DTNBP1: variants seen among roughly 807,000 people sequenced by gnomAD.
DTNBP1 encodes dysbindin.
A neutral mutation model predicts 42.8 loss-of-function variants in DTNBP1; 35 were observed. That is an observed-to-expected ratio of 0.82 (90% CI 0.63 to 1.09). The LOEUF is 1.09. Among genes scored for constraint, DTNBP1 ranks in the 50% least tolerant of loss-of-function variants. The probability of loss-of-function intolerance (pLI) is 0.00; values close to 1 mark genes in which losing one functional copy is unlikely to be tolerated. For synonymous variants in DTNBP1, 171 were observed against 162.2 expected, an observed-to-expected ratio of 1.05 and a Z score of -0.41; for missense variants, 457 against 424.2, an observed-to-expected ratio of 1.08 and a Z score of -0.68.
intron 3 of DTNBP1, among the ~76,000 whole-genome samples, chr6:15,640,187 T>C (rs1231584365): frequency 8.5e-5 from 13 of 152,220 alleles, no homozygotes; most frequent in Admixed American, 8.5e-4. Flanking sequence ...GGGCCTTAGC[T>C]GCCAATCAGC....
At chr6:15,595,675 A>C (rs1302199952) in intron 6 of DTNBP1, among the ~76,000 whole-genome samples, 1 of 152,178 alleles carries the variant, frequency 6.6e-6, no homozygotes, top group African/African-American at 2.4e-5. Flanking sequence ...GGTACTCAGC[A>C]TTTGGAAATA....
chr6:15,650,362 G>A (rs902914542), intron 3 of DTNBP1, among the ~76,000 whole-genome samples: 22 of 151,836 alleles, frequency 1.4e-4, no homozygotes, highest in African/African-American at 4.4e-4. Context: ...AACCCCTGCC[G>A]AGATCGCACC....
intron 1 of DTNBP1, among the ~76,000 whole-genome samples, chr6:15,655,786 A>C (rs1301534076): frequency 6.6e-6 from 1 of 152,238 alleles, no homozygotes; most frequent in Non-Finnish European, 1.5e-5. Context: ...AGAAAGTAAC[A>C]AAAAGCCAAA....
chr6:15,542,258 GTT>G (rs1322404357), intron 7 of DTNBP1, among the ~76,000 whole-genome samples: 2 of 152,130 alleles, frequency 1.3e-5, no homozygotes, highest in Non-Finnish European at 2.9e-5. Flanking sequence ...TCTTCAAGCT[GTT>G]TTTTGATAAA....
chr6:15,572,888 C>T (rs1775398898), intron 7 of DTNBP1, among the ~76,000 whole-genome samples: 1 of 152,100 alleles, frequency 6.6e-6, no homozygotes, highest in African/African-American at 2.4e-5. Context: ...TGCACCACCA[C>T]AACCAGCTAA....
chr6:15,629,338 C>T (rs1400298467), intron 4 of DTNBP1, among the ~76,000 whole-genome samples: 7 of 151,858 alleles, frequency 4.6e-5, no homozygotes, highest in Admixed American at 2.6e-4. Flanking sequence ...ATATTATGGG[C>T]TATTTTGGTT....
intron 4 of DTNBP1, among the ~76,000 whole-genome samples, chr6:15,635,349 C>T (rs577751122): frequency 6.6e-6 from 1 of 152,188 alleles, no homozygotes; most frequent in East Asian, 1.9e-4. Context: ...AAACTCCTGA[C>T]CTCAGGTGAT....
intron 7 of DTNBP1, among the ~76,000 whole-genome samples, chr6:15,563,608 A>G (rs1282461340): frequency 6.6e-6 from 1 of 152,240 alleles, no homozygotes; most frequent in African/African-American, 2.4e-5. Flanking sequence ...CCTGAATTAC[A>G]GTGGAAAAGC....
intron 7 of DTNBP1, among the ~76,000 whole-genome samples, chr6:15,541,359 G>T (rs1360895962): frequency 6.6e-6 from 1 of 151,912 alleles, no homozygotes; most frequent in Non-Finnish European, 1.5e-5. Context: ...CAAATCTAGG[G>T]GTTTAACAGC....
intron 7 of DTNBP1, chr6:15,545,984 T>G: frequency 2.3e-6 from 1 of 437,276 alleles, no homozygotes; most frequent in Non-Finnish European, 4.5e-6. Context: ...CCTCCCACCA[T>G]GCACCCTGGA....
intron 7 of DTNBP1, among the ~76,000 whole-genome samples, chr6:15,576,275 C>T (rs938553407): frequency 2.0e-4 from 30 of 151,948 alleles, no homozygotes; most frequent in African/African-American, 5.5e-4. Context: ...CGTACCACCA[C>T]GCCCGGCTAA....
At chr6:15,527,675 A>G (rs1581696309) in intron 8 of DTNBP1, among the ~76,000 whole-genome samples, 1 of 152,326 alleles carries the variant, frequency 6.6e-6, no homozygotes, top group African/African-American at 2.4e-5. Context: ...AGAACAAAGA[A>G]GCTGGTTCTT....
At chr6:15,592,442 C>G (rs1182414752) in intron 7 of DTNBP1, among the ~76,000 whole-genome samples, 1 of 152,170 alleles carries the variant, frequency 6.6e-6, no homozygotes, top group Non-Finnish European at 1.5e-5. Context: ...CTGTTTTTCA[C>G]TAGTGTTTCT....
At chr6:15,660,186 TTC>T (rs1761524055) in intron 1 of DTNBP1, among the ~76,000 whole-genome samples, 3 of 152,372 alleles carry the variant, frequency 2.0e-5, no homozygotes, top group South Asian at 2.1e-4. Flanking sequence ...TGTAATATGT[TTC>T]TTTTTTAGTG....
intron 4 of DTNBP1, among the ~76,000 whole-genome samples, chr6:15,629,604 CAACAATTAT>C (rs1759569785): frequency 6.6e-6 from 1 of 151,992 alleles, no homozygotes; most frequent in African/African-American, 2.4e-5. Flanking sequence ...CAATAATTAT[CAACAATTAT>C]ACAATACTAA....
In DTNBP1 at chr6:15,530,643, C is replaced by T. The variant is rs9349980; in HGVS notation, c.667+2597G>A. Among the ~76,000 whole-genome samples the T allele has an allele frequency of 5.9e-5, 9 of 152,168 alleles. No individual in the cohort carries two copies. In the South Asian group the frequency reaches 1.7e-3, roughly 28 times the overall value. ...GAAGCTGCTCCTTCCAAGCCGGCCACGCGTCTACTACTTCATCATCCTCTC... is the reference window on the plus strand; with the variant it reads ...GAAGCTGCTCCTTCCAAGCCGGCCATGCGTCTACTACTTCATCATCCTCTC... On this transcript the variant is annotated intron_variant, in intron 8 of 9. Coordinates refer to ENST00000344537, the MANE Select transcript of DTNBP1 (RefSeq NM_032122.5).
intron 7 of DTNBP1, among the ~76,000 whole-genome samples, chr6:15,537,918 C>CA (rs897778373): frequency 4.2e-4 from 64 of 152,244 alleles, no homozygotes; most frequent in African/African-American, 1.3e-3. Context: ...ACAGAGAATA[C>CA]AAAAAATGAA....
chr6:15,561,978 A>T (rs1263752582), intron 7 of DTNBP1, among the ~76,000 whole-genome samples: 1 of 152,248 alleles, frequency 6.6e-6, no homozygotes, highest in Admixed American at 6.5e-5. Context: ...AAATGCCAGG[A>T]CTATGTTCAG....
At chr6:15,611,131 T>A (rs1046800343) in intron 6 of DTNBP1, among the ~76,000 whole-genome samples, 1 of 152,194 alleles carries the variant, frequency 6.6e-6, no homozygotes, top group Non-Finnish European at 1.5e-5. Context: ...CTAATACAAC[T>A]GGTGACTTTT....
Sources: allele counts gnomAD v4.1 joint callset (sites outside exome capture counted in the v4.1 genomes callset), GRCh38; gene constraint gnomAD v4.1.1; transcripts MANE v1.5; gene names NCBI Gene and HGNC (gene_info 2026-07-23, HGNC 2026-07-21).